Variants in KCNH1 observed in about 807,000 individuals in gnomAD.
KCNH1 encodes potassium voltage-gated channel subfamily H member 1.
A neutral mutation model predicts 69.2 loss-of-function variants in KCNH1; 27 were observed. That is an observed-to-expected ratio of 0.39 (90% CI 0.29 to 0.54). The LOEUF (loss-of-function observed/expected upper bound fraction) is 0.54, where lower values mean the gene tolerates loss of function less well. KCNH1 is among the 20% of genes least tolerant of loss of function. The pLI, the probability that KCNH1 is intolerant of heterozygous loss-of-function variation, is 0.68. For missense variants in KCNH1, 798 were observed against 1,261.6 expected (o/e 0.63, Z 5.57); for synonymous variants, 456 against 487.7 (o/e 0.93, Z 0.86).
intron 5 of KCNH1, among the ~76,000 whole-genome samples, chr1:211,045,040 GGATATATAT>G (rs1690067740): frequency 3.6e-5 from 1 of 27,408 alleles, no homozygotes; most frequent in Non-Finnish European, 1.0e-4. Context: ...AAATTGTGGG[GGATATATAT>G]ATATATATAT....
chr1:210,821,853 A>C (rs1442649544), intron 7 of KCNH1, among the ~76,000 whole-genome samples: 1 of 142,164 alleles, frequency 7.0e-6, no homozygotes. Context: ...TATTTATTTA[A>C]AGAGATGGGG....
At chr1:210,989,755 G>T (rs1571556853) in intron 6 of KCNH1, among the ~76,000 whole-genome samples, 1 of 152,178 alleles carries the variant, frequency 6.6e-6, no homozygotes, top group Admixed American at 6.5e-5. Flanking sequence ...CGAGATACCT[G>T]TGCCTAGAGA....
chr1:210,733,957 A>T (rs1433159862), intron 10 of KCNH1, among the ~76,000 whole-genome samples: 4 of 43,934 alleles, frequency 9.1e-5, no homozygotes, highest in Non-Finnish European at 2.1e-4. Flanking sequence ...TCTCACACAC[A>T]CACACACACA....
At chr1:210,709,699 A>AAAAG (rs202236869) in intron 10 of KCNH1, among the ~76,000 whole-genome samples, 2 of 149,918 alleles carry the variant, frequency 1.3e-5, no homozygotes, top group Non-Finnish European at 2.9e-5. Flanking sequence ...CAAAGAGAGA[A>AAAAG]AAAGAAAGAG....
chr1:210,945,389 T>G (rs1374034614), intron 6 of KCNH1, among the ~76,000 whole-genome samples: 1 of 152,080 alleles, frequency 6.6e-6, no homozygotes, highest in Non-Finnish European at 1.5e-5. Context: ...CGTATCTCCA[T>G]TTTACAAAGA....
chr1:211,039,951 A>G (rs1421762066), intron 5 of KCNH1, among the ~76,000 whole-genome samples: 1 of 152,130 alleles, frequency 6.6e-6, no homozygotes, highest in Non-Finnish European at 1.5e-5. Context: ...GCACTTTGGG[A>G]GGCTGAGGCA....
intron 7 of KCNH1, among the ~76,000 whole-genome samples, chr1:210,864,354 C>A (rs1198621554): frequency 6.6e-6 from 1 of 152,198 alleles, no homozygotes; most frequent in East Asian, 1.9e-4. Flanking sequence ...CACTATGCAG[C>A]TCCAGGTCCC....
chr1:211,121,614 G>C (rs1339534947), intron 1 of KCNH1, among the ~76,000 whole-genome samples: 1 of 152,110 alleles, frequency 6.6e-6, no homozygotes, highest in Non-Finnish European at 1.5e-5. Context: ...TCAGGACATG[G>C]GCATGGGCAA....
chr1:210,731,043 A>C (rs1682737009), intron 10 of KCNH1, among the ~76,000 whole-genome samples: 1 of 152,226 alleles, frequency 6.6e-6, no homozygotes, highest in African/African-American at 2.4e-5. Flanking sequence ...CTATGACATG[A>C]AAGGGGCCAA....
intron 5 of KCNH1, among the ~76,000 whole-genome samples, chr1:211,065,991 C>A (rs1247879345): frequency 2.0e-5 from 3 of 151,856 alleles, no homozygotes; most frequent in Non-Finnish European, 4.4e-5. Context: ...CCTGGGAGGT[C>A]GAGGCTCCAG....
At position 210,681,947 on chromosome 1, in the gene KCNH1, A is replaced by C. The variant is rs1465849200; in HGVS notation, c.*1334T>G. 1 of 152,194 alleles carries C rather than the reference A, an allele frequency of 6.6e-6. No individual in the cohort carries two copies. Among genetic ancestry groups the C allele is most frequent in the Non-Finnish European group, 1.5e-5 (1 of 68,050 alleles). 9.4% of individuals were successfully genotyped at this position (152,194 alleles called of 1,614,324 possible). A position where few individuals can be genotyped will look rare whatever the true frequency, so the allele number is the denominator to read the frequency against. On this transcript the variant is annotated 3_prime_UTR_variant, in exon 11 of 11. Coordinates refer to ENST00000271751, the MANE Select transcript of KCNH1 (RefSeq NM_172362.3). ...CCCAAGCACATGAATAACCTGACTT[A>C]GGTGACCATGAGGCAGTGAAGTGTC...
chr1:210,790,001 G>A (rs1369661804), intron 9 of KCNH1, among the ~76,000 whole-genome samples: 1 of 152,004 alleles, frequency 6.6e-6, no homozygotes, highest in East Asian at 1.9e-4. Context: ...CAGCCTCAAA[G>A]TCCTAGGCTC....
At chr1:210,703,118 A>G (rs1382303934) in intron 10 of KCNH1, among the ~76,000 whole-genome samples, 2 of 152,214 alleles carry the variant, frequency 1.3e-5, no homozygotes, top group East Asian at 1.9e-4. Context: ...TCCAGAAGTC[A>G]TAAAATAAAA....
At chr1:210,715,722 C>T (rs2149020905) in intron 10 of KCNH1, among the ~76,000 whole-genome samples, 1 of 152,152 alleles carries the variant, frequency 6.6e-6, no homozygotes, top group South Asian at 2.1e-4. Context: ...CCAATTTTAG[C>T]AACAATAATC....
chr1:210,840,251 G>GT (rs1378023048), intron 7 of KCNH1, among the ~76,000 whole-genome samples: 5 of 151,586 alleles, frequency 3.3e-5, no homozygotes, highest in African/African-American at 1.2e-4. Flanking sequence ...GGGTGTTTTT[G>GT]TTTTTTTAAC....
chr1:211,027,184 A>G (rs1278937044), intron 5 of KCNH1, among the ~76,000 whole-genome samples: 6 of 152,220 alleles, frequency 3.9e-5, no homozygotes, highest in African/African-American at 1.4e-4. Flanking sequence ...AAGTGCTTTA[A>G]CAAGTAATTA....
At chr1:210,730,142 A>G (rs147870385) in intron 10 of KCNH1, among the ~76,000 whole-genome samples, 36 of 152,338 alleles carry the variant, frequency 2.4e-4, no homozygotes, top group African/African-American at 8.2e-4. Context: ...TTTCCTCAGC[A>G]AAGTGCTAAG....
chr1:210,982,550 G>A (rs1032034777), intron 6 of KCNH1, among the ~76,000 whole-genome samples: 6 of 152,072 alleles, frequency 3.9e-5, no homozygotes, highest in African/African-American at 1.4e-4. Context: ...ATAGTTTGCT[G>A]AGAATGATGG....
intron 6 of KCNH1, among the ~76,000 whole-genome samples, chr1:210,994,272 C>T (rs1177582981): frequency 6.6e-6 from 1 of 152,094 alleles, no homozygotes; most frequent in East Asian, 1.9e-4. Flanking sequence ...TCTTGATTCA[C>T]CCATTCATTG....
Sources: allele counts gnomAD v4.1 joint callset (sites outside exome capture counted in the v4.1 genomes callset), GRCh38; gene constraint gnomAD v4.1.1; transcripts MANE v1.5; gene names NCBI Gene and HGNC (gene_info 2026-07-23, HGNC 2026-07-21).